Variants in EDNRB observed in about 807,000 individuals in gnomAD.
The protein encoded by EDNRB is Hirschsprung disease 2.
A neutral mutation model predicts 46.4 loss-of-function variants in EDNRB; 18 were observed. The ratio of observed to expected loss-of-function variants is 0.39; its 90% CI spans 0.27 to 0.57. The LOEUF (loss-of-function observed/expected upper bound fraction) is 0.57, where lower values mean the gene tolerates loss of function less well. Among genes scored for constraint, EDNRB ranks in the 20% least tolerant of loss-of-function variants. EDNRB has a pLI of 0.61. For missense variants in EDNRB, 434 were observed against 537.5 expected (o/e 0.81, Z 1.90); for synonymous variants, 213 against 204.9 (o/e 1.04, Z -0.34).
intron 1 of EDNRB, among the ~76,000 whole-genome samples, chr13:77,957,715 C>T (rs12720129): frequency 0.092 from 14,002 of 152,212 alleles, 775 homozygotes; most frequent in Non-Finnish European, 0.12. Flanking sequence ...ACTGCCTGCA[C>T]GTACACTTTC....
At chr13:77,903,734 G>A (rs574690194) in intron 1 of EDNRB, 127 bp from the exon 2 acceptor site, 1 of 790,770 alleles carries the variant, frequency 1.3e-6, no homozygotes, top group East Asian at 2.6e-5. Flanking sequence ...TTTTCTCATG[G>A]ACTACTTCTT....
chr13:77,964,777 TAAAAG>T (rs1487476008), intron 1 of EDNRB, among the ~76,000 whole-genome samples: 9 of 151,088 alleles, frequency 6.0e-5, no homozygotes, highest in Non-Finnish European at 1.2e-4. Flanking sequence ...TAAAGTATAA[TAAAAG>T]AGAAGAATAA....
At chr13:77,968,826 G>A (rs921072005) in intron 1 of EDNRB, among the ~76,000 whole-genome samples, 1 of 152,110 alleles carries the variant, frequency 6.6e-6, no homozygotes, top group Non-Finnish European at 1.5e-5. Context: ...GCAAAATTGT[G>A]TACTGCTCCT....
At chr13:77,954,847 A>G (rs1330266865) in intron 1 of EDNRB, among the ~76,000 whole-genome samples, 1 of 152,056 alleles carries the variant, frequency 6.6e-6, no homozygotes, top group African/African-American at 2.4e-5. Context: ...GGTATATAGC[A>G]AATTTCTGTA....
chr13:77,954,578 C>G (rs1014616995), intron 1 of EDNRB, among the ~76,000 whole-genome samples: 6 of 151,954 alleles, frequency 3.9e-5, no homozygotes, highest in African/African-American at 1.4e-4. Context: ...GTGGCACGAT[C>G]TCGGCTCACT....
At chr13:77,935,394 C>T (rs918983725) in intron 1 of EDNRB, among the ~76,000 whole-genome samples, 5 of 152,076 alleles carry the variant, frequency 3.3e-5, no homozygotes, top group African/African-American at 1.2e-4. Context: ...AAGCTGTCTT[C>T]AAGGAATGAA....
At chr13:77,973,963 C>A in intron 1 of EDNRB, among the ~76,000 whole-genome samples, 1 of 150,468 alleles carries the variant, frequency 6.6e-6, no homozygotes, top group African/African-American at 2.4e-5. Flanking sequence ...AGATGATAAC[C>A]ATTTTTTTCC....
intron 1 of EDNRB, among the ~76,000 whole-genome samples, chr13:77,961,662 C>A (rs964446697): frequency 3.9e-5 from 6 of 152,042 alleles, no homozygotes; most frequent in Non-Finnish European, 8.8e-5. Flanking sequence ...GCACTAAATG[C>A]CCACAGGAGA....
intron 1 of EDNRB, among the ~76,000 whole-genome samples, chr13:77,950,140 T>G (rs564914754): frequency 3.3e-5 from 5 of 152,188 alleles, no homozygotes; most frequent in Non-Finnish European, 5.9e-5. Context: ...CAAGTTAAAC[T>G]ATACGTCAGA....
intron 1 of EDNRB, among the ~76,000 whole-genome samples, chr13:77,951,201 G>A (rs183171285): frequency 6.6e-6 from 1 of 152,266 alleles, no homozygotes; most frequent in East Asian, 1.9e-4. Context: ...GCAGTAGGGT[G>A]GATTGGATAA....
chr13:77,919,857 A>G (rs560121953), upstream of EDNRB: 18 of 504,202 alleles, frequency 3.6e-5, no homozygotes, highest in East Asian at 3.6e-4. Context: ...CCAGACTAGA[A>G]CAAGGCTCTG....
chr13:77,933,888 C>T (rs937491594), intron 1 of EDNRB, among the ~76,000 whole-genome samples: 39 of 152,012 alleles, frequency 2.6e-4, no homozygotes, highest in Admixed American at 7.9e-4. Context: ...GGCCTGGGTA[C>T]GGTTTTGTAT....
chr13:77,940,639 G>A (rs191586278), intron 1 of EDNRB, among the ~76,000 whole-genome samples: 4 of 152,084 alleles, frequency 2.6e-5, no homozygotes, highest in Non-Finnish European at 5.9e-5. Context: ...CTCACACTGC[G>A]TGTTATGAAC....
chr13:77,900,449 A>G, intron 5 of EDNRB, 72 bp downstream of exon 5: 2 of 1,601,090 alleles, frequency 1.2e-6, no homozygotes, highest in Non-Finnish European at 1.7e-6. Flanking sequence ...CTTTCTGCCT[A>G]TAAAAAAGAT....
At chr13:77,946,507 G>A (rs1880921870) in intron 1 of EDNRB, among the ~76,000 whole-genome samples, 1 of 152,006 alleles carries the variant, frequency 6.6e-6, no homozygotes, top group African/African-American at 2.4e-5. Context: ...CTACCCAGTT[G>A]TTTTTCGTTC....
chr13:77,931,101 A>T (rs1036902187), intron 1 of EDNRB, among the ~76,000 whole-genome samples: 2 of 152,190 alleles, frequency 1.3e-5, no homozygotes. Flanking sequence ...CATGTTGTTT[A>T]CTAAGATAAT....
intron 1 of EDNRB, among the ~76,000 whole-genome samples, chr13:77,945,998 C>T (rs1384547716): frequency 3.3e-5 from 5 of 152,094 alleles, no homozygotes; most frequent in African/African-American, 1.2e-4. Flanking sequence ...GCTTTGCCAC[C>T]GTTTGGCATT....
rs376273825 is a variant in EDNRB, at chr13:77,963,109, C to G, written c.-52+12238G>C. Among the ~76,000 whole-genome samples, 7 of 152,038 alleles carry G rather than the reference C, an allele frequency of 4.6e-5. No individual in the cohort carries two copies. The South Asian group carries it at 8.3e-4, about 18-fold the overall frequency. ...AGGAGAACTACAAACCACTGCTCAA[C>G]GAAATAAAAGAGGACACAAACAAAT... On this transcript the variant is annotated intron_variant, in intron 1 of 7. Coordinates refer to the EDNRB transcript ENST00000646948.
At chr13:77,973,670 C>A (rs975747193) in intron 1 of EDNRB, among the ~76,000 whole-genome samples, 1 of 151,900 alleles carries the variant, frequency 6.6e-6, no homozygotes, top group Non-Finnish European at 1.5e-5. Flanking sequence ...GTATATTTTA[C>A]TTTTTTTATA....
Sources: allele counts gnomAD v4.1 joint callset (sites outside exome capture counted in the v4.1 genomes callset), GRCh38; gene constraint gnomAD v4.1.1; transcripts MANE v1.5; gene names NCBI Gene and HGNC (gene_info 2026-07-23, HGNC 2026-07-21).